SCARA3: variants seen among roughly 807,000 people sequenced by gnomAD.
SCARA3 encodes the protein cellular stress response gene protein.
Under a neutral mutation model 47.0 loss-of-function variants are expected in SCARA3, and 39 were observed. That is an observed-to-expected ratio of 0.83 (90% CI 0.64 to 1.08). SCARA3 has a LOEUF of 1.08. Among genes scored for constraint, SCARA3 ranks in the 50% least tolerant of loss-of-function variants. SCARA3 has a pLI of 0.00. For missense variants in SCARA3, 724 were observed against 792.3 expected (o/e 0.91, Z 1.04); for synonymous variants, 356 against 334.1 (o/e 1.07, Z -0.71).
chr8:27,642,795 G>A (rs950706386), intron 1 of SCARA3, among the ~76,000 whole-genome samples: 1 of 152,188 alleles, frequency 6.6e-6, no homozygotes, highest in Admixed American at 6.5e-5. Context: ...CAGCACTCCA[G>A]CCTGGCCAAT....
rs10548067 is a variant in SCARA3 at position 27,657,540 on chromosome 8, C to CTT, written c.325+677_325+678dup. 9.9e-4 allele frequency among the ~76,000 whole-genome samples: 94 copies of CTT among 94,496 alleles called. 2 individuals carry two copies. The highest frequency in any genetic ancestry group is 3.8e-3 in the African/African-American group (80 of 20,894). The allele number at this position is 94,496 out of a possible 152,430, so 62.0% of individuals were successfully genotyped here. Reference sequence around the variant, plus strand: ...ATCTTTATGTCTACATGTATTCAACCTTTTTTTTTTTTTTTTTTGAGACGG... The same window carrying CTT: ...ATCTTTATGTCTACATGTATTCAACCTTTTTTTTTTTTTTTTTTTTGAGACGG... On this transcript the variant is annotated intron_variant, in intron 4 of 5. Coordinates refer to ENST00000301904, the MANE Select transcript of SCARA3 (RefSeq NM_016240.3).
At position 27,671,564 on chromosome 8, in the gene SCARA3, A is replaced by C; in HGVS notation, c.*213A>C. 2 of 1,267,494 alleles carry C rather than the reference A, an allele frequency of 1.6e-6. No individual in the cohort carries two copies. Among genetic ancestry groups the C allele is most frequent in the Non-Finnish European group, 2.0e-6 (2 of 1,009,298 alleles). 78.5% of individuals were successfully genotyped at this position (1,267,494 alleles called of 1,614,324 possible). ...CACATACATGTGCACATGCACACACATGCATGCACACACATGCACACATAC... is the reference window on the plus strand; with the variant it reads ...CACATACATGTGCACATGCACACACCTGCATGCACACACATGCACACATAC... On this transcript the variant is annotated 3_prime_UTR_variant, in exon 6 of 6. Coordinates refer to ENST00000301904, the MANE Select transcript of SCARA3 (RefSeq NM_016240.3).
the SCARA3 span, among the ~76,000 whole-genome samples, chr8:27,693,874 T>A: frequency 6.6e-6 from 1 of 152,196 alleles, no homozygotes; most frequent in African/African-American, 2.4e-5. Flanking sequence ...ACCTATGACC[T>A]GGAAGCCCCT....
chr8:27,659,450 A>G lies in SCARA3; in HGVS notation c.1280A>G (p.Asn427Ser), dbSNP rs1161098554. The change falls in exon 5 of 6, where the codon AAC becomes AGC. Residue 427 changes from asparagine to serine, a missense_variant. By Grantham distance (46) the Asn-to-Ser change is conservative. Coordinates refer to ENST00000301904, the MANE Select transcript of SCARA3 (RefSeq NM_016240.3). ...FSLLSARLDL[N>S]VRNLSMIVEE... ...CTGCTCAGTGCCCGGCTGGACCTCA[A>G]CGTCCGGAACCTCTCCATGATCGTG... 3.7e-6 allele frequency: 6 copies of G among 1,613,828 alleles called. No individual in the cohort carries two copies. In the East Asian group the frequency reaches 1.1e-4, roughly 30 times the overall value.
chr8:27,707,750 G>C, the SCARA3 span, among the ~76,000 whole-genome samples: 2 of 150,812 alleles, frequency 1.3e-5, no homozygotes, highest in East Asian at 1.9e-4. Flanking sequence ...AATTTTAAAA[G>C]GCCTAAAATG....
chr8:27,639,973 T>G (rs1346232542), intron 1 of SCARA3, among the ~76,000 whole-genome samples: 2 of 143,498 alleles, frequency 1.4e-5, no homozygotes, highest in African/African-American at 5.3e-5. Context: ...GTCCTTAGAG[T>G]GGGAGGCAGG....
At chr8:27,703,709 G>A in the SCARA3 span, 1 of 152,180 alleles carries the variant, frequency 6.6e-6, no homozygotes, top group African/African-American at 2.4e-5. Context: ...AATCTCCTAG[G>A]AGGTTCTGGA....
intron 5 of SCARA3, among the ~76,000 whole-genome samples, chr8:27,665,306 A>C (rs973052605): frequency 6.6e-6 from 1 of 152,194 alleles, no homozygotes; most frequent in Non-Finnish European, 1.5e-5. Flanking sequence ...TTCCAGCTCT[A>C]ATTAATTCTA....
At position 27,656,882 on chromosome 8, in the gene SCARA3, T is replaced by G; in HGVS notation, c.325+2T>G. ...TGCAGAAAAATCTCCAGGGCCTGGG[T>G]AAGTAGATGGGCTGATGACTGTGAT... On this transcript the variant is annotated splice_donor_variant, in intron 4 of 5. Transcript: ENST00000301904. LOFTEE classifies it high-confidence loss of function. 6.4e-7 allele frequency: 1 copy of G among 1,569,172 alleles called. No homozygotes were observed. The highest frequency in any genetic ancestry group is 8.8e-7 in the Non-Finnish European group (1 of 1,138,926).
chr8:27,728,199 T>G, the SCARA3 span, among the ~76,000 whole-genome samples: 1 of 152,160 alleles, frequency 6.6e-6, no homozygotes, highest in African/African-American at 2.4e-5. Context: ...TGTTGAGACT[T>G]CACCGACGAG....
intron 5 of SCARA3, among the ~76,000 whole-genome samples, chr8:27,668,354 C>T (rs1407409876): frequency 6.6e-6 from 1 of 151,090 alleles, no homozygotes; most frequent in Non-Finnish European, 1.5e-5. Flanking sequence ...TCCTGGCTAA[C>T]AAGGTGAAAC....
At chr8:27,720,431 C>T in the SCARA3 span, among the ~76,000 whole-genome samples, 1 of 152,160 alleles carries the variant, frequency 6.6e-6, no homozygotes, top group African/African-American at 2.4e-5. Flanking sequence ...TAAGCTTCAT[C>T]AGTTTCATAA....
rs191798463 is a variant in SCARA3, at chr8:27,661,432, A to C, written c.1369+1893A>C. Among the ~76,000 whole-genome samples the C allele has an allele frequency of 2.0e-3, 305 of 152,324 alleles. 1 individual carries two copies. The highest frequency in any genetic ancestry group is 6.7e-3 in the African/African-American group (279 of 41,566). On this transcript the variant is annotated intron_variant, in intron 5 of 5. Coordinates refer to ENST00000301904, the MANE Select transcript of SCARA3 (RefSeq NM_016240.3). ...TATACCCTGTAACTTAAATACTATG[A>C]TGTAAAGTTAACAATATTTGTGCTA...
chr8:27,709,427 G>C, the SCARA3 span, among the ~76,000 whole-genome samples: 2 of 152,182 alleles, frequency 1.3e-5, no homozygotes, highest in South Asian at 2.1e-4. Flanking sequence ...ACACTCACCT[G>C]GGTTTCCATA....
intron 2 of SCARA3, among the ~76,000 whole-genome samples, chr8:27,650,611 G>A (rs867948032): frequency 1.3e-4 from 20 of 152,184 alleles, no homozygotes; most frequent in African/African-American, 3.6e-4. Context: ...ATTTTTAAAC[G>A]TCCTAGTAGT....
At chr8:27,712,562 CAA>C in the SCARA3 span, among the ~76,000 whole-genome samples, 4 of 107,228 alleles carry the variant, frequency 3.7e-5, no homozygotes, top group African/African-American at 3.7e-5. Flanking sequence ...GACTCCGTCT[CAA>C]AAAAAAAAAA....
At chr8:27,727,369 A>C in the SCARA3 span, among the ~76,000 whole-genome samples, 1 of 152,238 alleles carries the variant, frequency 6.6e-6, no homozygotes, top group African/African-American at 2.4e-5. Flanking sequence ...AGCCTTCTCA[A>C]GGACCGCTGA....
chr8:27,646,965 C>CGGGGGG (rs1563402910), intron 1 of SCARA3, among the ~76,000 whole-genome samples: 1 of 48,376 alleles, frequency 2.1e-5, no homozygotes, highest in Non-Finnish European at 4.2e-5. Context: ...CACCCCTGAC[C>CGGGGGG]GCCCCCGCCC....
the SCARA3 span, among the ~76,000 whole-genome samples, chr8:27,706,174 C>G: frequency 1.3e-5 from 2 of 152,230 alleles, no homozygotes; most frequent in African/African-American, 4.8e-5. Flanking sequence ...TGTTTTGAGA[C>G]AGAGTCTTGC....
Sources: gnomAD v4.1 joint callset for allele counts (sites outside exome capture counted in the v4.1 genomes callset) on GRCh38, gnomAD v4.1.1 for gene constraint, MANE v1.5 for transcripts, NCBI Gene and HGNC (gene_info 2026-07-23, HGNC 2026-07-21) for gene names.